Variants in CNTN4 observed in about 807,000 individuals in gnomAD.
CNTN4 encodes the protein contactin-4.
Under a neutral mutation model 122.5 loss-of-function variants are expected in CNTN4, and 77 were observed. The observed-to-expected ratio is 0.63, with a 90% confidence interval of 0.52 to 0.76. CNTN4 has a LOEUF of 0.76. Ranked by LOEUF, CNTN4 falls within the 30% of genes least tolerant of loss-of-function variation. The pLI, the probability that CNTN4 is intolerant of heterozygous loss-of-function variation, is 0.00. For missense variants in CNTN4, 1,256 were observed against 1,259.1 expected (o/e 1.00, Z 0.04); for synonymous variants, 512 against 447.0 (o/e 1.15, Z -1.83).
At chr3:2,924,941 TA>T (rs76179769) in intron 12 of CNTN4, among the ~76,000 whole-genome samples, 62,908 of 150,346 alleles carry the variant, frequency 0.42, 13,429 homozygotes, top group East Asian at 0.67. Context: ...CCTACACAAT[TA>T]AAAAAAAAAA....
chr3:2,441,561 G>T (rs1178430674), intron 3 of CNTN4, among the ~76,000 whole-genome samples: 3 of 152,172 alleles, frequency 2.0e-5, no homozygotes, highest in African/African-American at 2.4e-5. Flanking sequence ...AATAAATAAG[G>T]TATTAGGGTA....
intron 3 of CNTN4, among the ~76,000 whole-genome samples, chr3:2,409,249 C>CTTTTTT (rs372224744): frequency 1.8e-4 from 24 of 132,592 alleles, no homozygotes; most frequent in Non-Finnish European, 3.1e-4. Context: ...CTTTTCTTTT[C>CTTTTTT]TTTTTTTTTT....
At position 2,211,056 on chromosome 3, in the gene CNTN4, G is replaced by C. The variant is rs144502287; in HGVS notation, c.-145+110417G>C. On this transcript the variant is annotated intron_variant, in intron 2 of 24. Transcript: ENST00000418658. ...ATTTGTAAGAAAAGAGGTTTAATTGGCTCACAGTTCTGCAAGCTGTACAGG... is the reference window on the plus strand; with the variant it reads ...ATTTGTAAGAAAAGAGGTTTAATTGCCTCACAGTTCTGCAAGCTGTACAGG... 3.8e-4 allele frequency among the ~76,000 whole-genome samples: 58 copies of C among 152,196 alleles called. No individual in the cohort carries two copies. In the East Asian group the frequency reaches 4.4e-3, roughly 12 times the overall value.
At chr3:2,694,721 C>G (rs940420910) in intron 4 of CNTN4, among the ~76,000 whole-genome samples, 1 of 151,934 alleles carries the variant, frequency 6.6e-6, no homozygotes, top group African/African-American at 2.4e-5. Flanking sequence ...AGAGTGAGAC[C>G]CTGTCTCAAA....
chr3:2,269,003 A>C (rs1156781695), intron 2 of CNTN4, among the ~76,000 whole-genome samples: 1 of 152,132 alleles, frequency 6.6e-6, no homozygotes, highest in African/African-American at 2.4e-5. Flanking sequence ...TAGTGCCACT[A>C]TGACAGATTA....
At chr3:2,745,246 G>A (rs915390726) in intron 5 of CNTN4, among the ~76,000 whole-genome samples, 1 of 152,262 alleles carries the variant, frequency 6.6e-6, no homozygotes, top group Non-Finnish European at 1.5e-5. Context: ...CTTCAAAACA[G>A]TGAAGTGTTT....
At chr3:2,541,985 C>A (rs536984970) in intron 3 of CNTN4, among the ~76,000 whole-genome samples, 1 of 152,232 alleles carries the variant, frequency 6.6e-6, no homozygotes, top group African/African-American at 2.4e-5. Flanking sequence ...AATGGAGAGA[C>A]TATTAATTTA....
intron 8 of CNTN4, among the ~76,000 whole-genome samples, chr3:2,877,131 AAC>A (rs1392830223): frequency 2.0e-5 from 3 of 152,218 alleles, no homozygotes; most frequent in African/African-American, 7.2e-5. Context: ...TTATTCAATA[AAC>A]AGTTATTGCC....
At chr3:2,740,771 G>C (rs973256645) in intron 5 of CNTN4, among the ~76,000 whole-genome samples, 8 of 152,204 alleles carry the variant, frequency 5.3e-5, no homozygotes, top group Non-Finnish European at 1.0e-4. Flanking sequence ...TATGAACTGA[G>C]ATAAGTAATT....
At chr3:2,844,542 G>A (rs552415211) in intron 7 of CNTN4, among the ~76,000 whole-genome samples, 1 of 152,072 alleles carries the variant, frequency 6.6e-6, no homozygotes, top group African/African-American at 2.4e-5. Context: ...TATGGACTGG[G>A]CAATTACCCA....
chr3:2,812,733 G>C (rs1033476724), intron 6 of CNTN4, among the ~76,000 whole-genome samples: 2 of 152,130 alleles, frequency 1.3e-5, no homozygotes, highest in African/African-American at 4.8e-5. Context: ...CTTTGGACCA[G>C]GCAGCATCTT....
chr3:2,553,805 C>G (rs2078612231), intron 3 of CNTN4, among the ~76,000 whole-genome samples: 1 of 152,132 alleles, frequency 6.6e-6, no homozygotes, highest in South Asian at 2.1e-4. Context: ...CTTTTCATTT[C>G]ACTCTTTTCT....
At chr3:2,125,330 C>CTCTGTG (rs138301374) in intron 2 of CNTN4, among the ~76,000 whole-genome samples, 91 of 143,472 alleles carry the variant, frequency 6.3e-4, no homozygotes, top group Non-Finnish European at 8.8e-4. Context: ...ATTCTATTCT[C>CTCTGTG]TGTGTGTGTG....
At chr3:2,691,818 C>T (rs1375606190) in intron 4 of CNTN4, among the ~76,000 whole-genome samples, 1 of 152,164 alleles carries the variant, frequency 6.6e-6, no homozygotes, top group Non-Finnish European at 1.5e-5. Context: ...ATTATTAGAG[C>T]TTTTTTCTCC....
intron 6 of CNTN4, among the ~76,000 whole-genome samples, chr3:2,760,400 C>A (rs768068146): frequency 1.3e-4 from 19 of 151,820 alleles, no homozygotes; most frequent in Non-Finnish European, 2.4e-4. Context: ...CAGATTCTTT[C>A]TTTTGCACGT....
At chr3:2,451,012 G>C (rs1269948881) in intron 3 of CNTN4, among the ~76,000 whole-genome samples, 1 of 152,218 alleles carries the variant, frequency 6.6e-6, no homozygotes, top group South Asian at 2.1e-4. Flanking sequence ...GCCAAGAGTG[G>C]TATTAACTTT....
chr3:2,109,806 T>G (rs183735646), intron 2 of CNTN4, among the ~76,000 whole-genome samples: 11 of 152,360 alleles, frequency 7.2e-5, no homozygotes, highest in African/African-American at 2.4e-4. Flanking sequence ...AGCTATTAGC[T>G]AGATATTGAT....
At chr3:2,668,308 A>C (rs1277720361) in intron 4 of CNTN4, among the ~76,000 whole-genome samples, 1 of 152,114 alleles carries the variant, frequency 6.6e-6, no homozygotes, top group Non-Finnish European at 1.5e-5. Flanking sequence ...GGTCCTTCAC[A>C]TCCTTTGTAA....
chr3:2,881,082 G>T (rs1386312166), intron 8 of CNTN4, among the ~76,000 whole-genome samples: 4 of 152,138 alleles, frequency 2.6e-5, no homozygotes, highest in African/African-American at 9.7e-5. Flanking sequence ...TATTATGTTC[G>T]AGTTTGCACT....
Sources: gnomAD v4.1 joint callset for allele counts (sites outside exome capture counted in the v4.1 genomes callset) on GRCh38, gnomAD v4.1.1 for gene constraint, MANE v1.5 for transcripts, NCBI Gene and HGNC (gene_info 2026-07-23, HGNC 2026-07-21) for gene names.